Variants in VPS50 observed in about 807,000 individuals in gnomAD.
VPS50 encodes the protein syndetin.
Under a neutral mutation model 139.7 loss-of-function variants are expected in VPS50, and 70 were observed. The observed-to-expected ratio is 0.50, with a 90% CI of 0.41 to 0.61. The LOEUF is 0.61. Among genes scored for constraint, VPS50 ranks in the 20% least tolerant of loss-of-function variants. VPS50 has a pLI of 0.00. For missense variants in VPS50, 921 were observed against 1,133.7 expected (o/e 0.81, Z 2.69); for synonymous variants, 365 against 376.7 (o/e 0.97, Z 0.36).
intron 20 of VPS50, among the ~76,000 whole-genome samples, chr7:93,316,856 A>AACTC (rs1797442988): frequency 6.6e-6 from 1 of 152,236 alleles, no homozygotes; most frequent in South Asian, 2.1e-4. Context: ...ATTTTCTATG[A>AACTC]ACTCAAAAGG....
intron 16 of VPS50, among the ~76,000 whole-genome samples, chr7:93,301,949 C>A (rs1020772776): frequency 1.3e-5 from 2 of 152,162 alleles, no homozygotes; most frequent in Non-Finnish European, 2.9e-5. Context: ...CTGATTATGG[C>A]TGTCCTAGTA....
chr7:93,341,593 G>C lies in VPS50; in HGVS notation c.2207+18G>C. ...GAATCCTTGTAAGTTGTTCAAAACA[G>C]TTGCGTTGCCATTAAATATTTAAGA... On this transcript the variant is annotated intron_variant, in intron 23 of 27. Coordinates refer to ENST00000305866, the MANE Select transcript of VPS50 (RefSeq NM_017667.4). The C allele has an allele frequency of 6.4e-7, 1 of 1,554,878 alleles. No homozygotes were observed. The highest frequency in any genetic ancestry group is 8.7e-7 in the Non-Finnish European group (1 of 1,149,184).
At chr7:93,272,213 A>G (rs1386664973) in intron 10 of VPS50, among the ~76,000 whole-genome samples, 2 of 151,842 alleles carry the variant, frequency 1.3e-5, no homozygotes, top group Non-Finnish European at 3.0e-5. Flanking sequence ...TTTAAATTCA[A>G]TGTAGTTTTG....
chr7:93,318,591 C>T (rs571590707), intron 20 of VPS50, among the ~76,000 whole-genome samples: 10 of 152,310 alleles, frequency 6.6e-5, no homozygotes, highest in African/African-American at 2.2e-4. Context: ...AGATTATAAA[C>T]CCCTATAGAA....
chr7:93,306,733 C>A (rs1270316703), intron 18 of VPS50, among the ~76,000 whole-genome samples: 1 of 151,760 alleles, frequency 6.6e-6, no homozygotes, highest in Admixed American at 6.6e-5. Flanking sequence ...TTGATGGTTT[C>A]TTCTGATCTT....
intron 26 of VPS50, among the ~76,000 whole-genome samples, chr7:93,355,024 T>C (rs1309608905): frequency 6.6e-6 from 1 of 151,950 alleles, no homozygotes; most frequent in Non-Finnish European, 1.5e-5. Context: ...AAAAAGGCTG[T>C]GTCAGCAATC....
At chr7:93,332,220 A>AATTCATTTCT (rs1797960259) in intron 21 of VPS50, among the ~76,000 whole-genome samples, 3 of 152,168 alleles carry the variant, frequency 2.0e-5, no homozygotes, top group Non-Finnish European at 4.4e-5. Flanking sequence ...TTTCTGATGG[A>AATTCATTTCT]AGCACCCTTT....
chr7:93,288,437 A>T (rs758637391), intron 12 of VPS50, among the ~76,000 whole-genome samples: 1 of 152,190 alleles, frequency 6.6e-6, no homozygotes, highest in Non-Finnish European at 1.5e-5. Flanking sequence ...CCTTTAATAA[A>T]TAACATGGTG....
intron 12 of VPS50, among the ~76,000 whole-genome samples, chr7:93,286,751 T>C (rs1584429329): frequency 6.6e-6 from 1 of 152,132 alleles, no homozygotes; most frequent in Non-Finnish European, 1.5e-5. Flanking sequence ...GTCTTTGTAA[T>C]AAAATTCTCG....
chr7:93,326,137 G>A (rs112153829), intron 21 of VPS50, among the ~76,000 whole-genome samples: 7 of 152,020 alleles, frequency 4.6e-5, no homozygotes, highest in African/African-American at 1.7e-4. Flanking sequence ...ATGAGTTCAT[G>A]TCCTTTGTAG....
intron 9 of VPS50, among the ~76,000 whole-genome samples, chr7:93,266,017 G>C (rs1403930218): frequency 6.6e-6 from 1 of 152,154 alleles, no homozygotes. Context: ...AGAGTTGTTG[G>C]TTTAACTTTA....
intron 20 of VPS50, chr7:93,320,323 T>A (rs1797568422): frequency 7.5e-6 from 1 of 133,744 alleles, no homozygotes; most frequent in Non-Finnish European, 1.7e-5. Flanking sequence ...GCCCCCCGTC[T>A]TTTTTTTTTT....
chr7:93,247,313 AT>A (rs1317954256), intron 2 of VPS50, among the ~76,000 whole-genome samples: 1 of 151,996 alleles, frequency 6.6e-6, no homozygotes, highest in Non-Finnish European at 1.5e-5. Context: ...TATACAAAAA[AT>A]ATGTTGAATT....
At chr7:93,264,228 A>G (rs1236036853) in intron 9 of VPS50, among the ~76,000 whole-genome samples, 1 of 152,204 alleles carries the variant, frequency 6.6e-6, no homozygotes, top group Non-Finnish European at 1.5e-5. Context: ...TAAAAGATAC[A>G]GTAATCCCAG....
At chr7:93,237,001 A>C (rs1003990287) in intron 1 of VPS50, among the ~76,000 whole-genome samples, 1 of 112,010 alleles carries the variant, frequency 8.9e-6, no homozygotes, top group African/African-American at 3.5e-5. Context: ...CCCAGGCTGG[A>C]GTGCAGTGGA....
At position 93,350,167 on chromosome 7, in the gene VPS50, T is replaced by C. The variant is rs902562769; in HGVS notation, c.2463+134T>C. The C allele has an allele frequency of 1.8e-5, 10 of 540,886 alleles. No homozygotes were observed. In the African/African-American group the frequency reaches 1.9e-4, roughly 11 times the overall value. The allele number at this position is 540,886 out of a possible 1,614,324, so 33.5% of individuals were successfully genotyped here. On this transcript the variant is annotated intron_variant, in intron 25 of 27. Coordinates refer to ENST00000305866, the MANE Select transcript of VPS50 (RefSeq NM_017667.4). ...GCATTGTGGTATTAAAGCCCCTGAA[T>C]TGAAATAGGCTTACTTTCTGAATTT...
chr7:93,261,474 G>A (rs1444607725), intron 9 of VPS50, among the ~76,000 whole-genome samples: 1 of 151,940 alleles, frequency 6.6e-6, no homozygotes, highest in Non-Finnish European at 1.5e-5. Context: ...TCAGGAGATC[G>A]AGACCATCCT....
chr7:93,326,070 G>A (rs1312551361), intron 21 of VPS50, among the ~76,000 whole-genome samples: 1 of 152,010 alleles, frequency 6.6e-6, no homozygotes, highest in Non-Finnish European at 1.5e-5. Context: ...ATGATAGACT[G>A]GATCAAGAAA....
chr7:93,329,191 T>G (rs937026779), intron 21 of VPS50, among the ~76,000 whole-genome samples: 1 of 152,102 alleles, frequency 6.6e-6, no homozygotes, highest in Admixed American at 6.5e-5. Context: ...CTTCAATGAA[T>G]TAAAACAAAA....
Sources: allele counts gnomAD v4.1 joint callset (sites outside exome capture counted in the v4.1 genomes callset), GRCh38; gene constraint gnomAD v4.1.1; transcripts MANE v1.5; gene names NCBI Gene and HGNC (gene_info 2026-07-23, HGNC 2026-07-21).